The following ZNF470 variants were observed in gnomAD, a reference collection of about 807,000 sequenced individuals.
ZNF470 encodes zinc finger protein 470, also known as chondrogenesis zinc finger protein 1.
In ZNF470, 13 loss-of-function variants were observed where a neutral mutation model predicts 13.9. The observed-to-expected ratio is 0.94, with a 90% confidence interval of 0.61 to 1.49. The LOEUF (loss-of-function observed/expected upper bound fraction) is 1.49. ZNF470 is among the 40% of genes most tolerant of loss of function. The probability of loss-of-function intolerance (pLI) is 0.00; values close to 1 mark genes in which losing one functional copy is unlikely to be tolerated. For synonymous variants in ZNF470, 293 were observed against 282.9 expected, an observed-to-expected ratio of 1.04 and a Z score of -0.36; for missense variants, 929 against 857.3, an observed-to-expected ratio of 1.08 and a Z score of -1.04.
At position 56,579,345 on chromosome 19, in the gene ZNF470, C is replaced by T. The variant is rs2044518147; in HGVS notation, c.*762C>T. 1.3e-6 allele frequency: 1 copy of T among 752,708 alleles called. No individual in the cohort carries two copies. The highest frequency in any genetic ancestry group is 1.6e-6 in the Non-Finnish European group (1 of 617,742). The allele number at this position is 752,708 out of a possible 1,614,324, so 46.6% of individuals were successfully genotyped here. A position where few individuals can be genotyped will look rare whatever the true frequency, so the allele number is the denominator to read the frequency against. ...GCTGAAGCAGGAGGATTGCTTGAGC[C>T]CAGGAGGTAGAGGTTGCAGTGAGTC... On this transcript the variant is annotated 3_prime_UTR_variant, in exon 6 of 6. Coordinates refer to ENST00000330619, the MANE Select transcript of ZNF470 (RefSeq NM_001001668.4).
At chr19:56,574,772 A>G (rs181112021) in intron 5 of ZNF470, 39 bp downstream of exon 5, 28 of 1,562,806 alleles carry the variant, frequency 1.8e-5, no homozygotes, top group Non-Finnish European at 2.1e-5. Context: ...AACTGTTCTC[A>G]ACATGTTCTT....
chr19:56,576,664 T>C, intron 5 of ZNF470, 49 bp from the exon 6 acceptor site: 1 of 1,349,846 alleles, frequency 7.4e-7, no homozygotes, highest in Non-Finnish European at 9.6e-7. Flanking sequence ...AAATTTCCAT[T>C]ATTCTAGCAT....
At chr19:56,568,133 C>T (rs1468069253) in intron 1 of ZNF470, 95 bp downstream of exon 1, 15 of 984,948 alleles carry the variant, frequency 1.5e-5, no homozygotes, top group Non-Finnish European at 1.8e-5. Context: ...AGGATGTCCC[C>T]CGTTTCTAAG....
rs1306730587 is a variant in ZNF470, at chr19:56,576,704, A to G, written c.284-9A>G. Reference sequence around the variant, plus strand: ...TAAAGGAGACATTTACTTTCTTAATATCTTTCAGACTTGGAGTGTGTGTGG... The same window carrying G: ...TAAAGGAGACATTTACTTTCTTAATGTCTTTCAGACTTGGAGTGTGTGTGG... On this transcript the variant is annotated splice_polypyrimidine_tract_variant and intron_variant, in intron 5 of 5. Transcript: ENST00000330619. The G allele has an allele frequency of 7.3e-7, 1 of 1,371,986 alleles. No individual in the cohort carries two copies. Among genetic ancestry groups the G allele is most frequent in the Non-Finnish European group, 9.5e-7 (1 of 1,054,590 alleles). The allele number at this position is 1,371,986 out of a possible 1,614,324, so 85.0% of individuals were successfully genotyped here. A position where few individuals can be genotyped will look rare whatever the true frequency, so the allele number is the denominator to read the frequency against.
In ZNF470 at chr19:56,578,567, A is replaced by G; in HGVS notation, c.2138A>G (p.Tyr713Cys). ...SSVILSSALP[Y>C]HQVL Reference sequence around the variant, plus strand: ...GTTATTCTCTCCTCTGCCCTCCCATACCACCAAGTCCTATAGATTCAATCT... The same window carrying G: ...GTTATTCTCTCCTCTGCCCTCCCATGCCACCAAGTCCTATAGATTCAATCT... The change falls in exon 6 of 6, where the codon TAC (tyrosine) becomes TGC (cysteine). Residue 713 changes from tyrosine (Y) to cysteine (C), a missense_variant. By Grantham distance (194) the Tyr-to-Cys change is radical (BLOSUM62 -2). Transcript: ENST00000330619. The G allele has an allele frequency of 6.5e-7, 1 of 1,546,154 alleles. No individual in the cohort carries two copies. Among genetic ancestry groups the G allele is most frequent in the Non-Finnish European group, 8.7e-7 (1 of 1,147,470 alleles).
chr19:56,579,625 T>C lies in ZNF470; in HGVS notation c.*1042T>C. 2.0e-6 allele frequency: 2 copies of C among 985,382 alleles called. No individual in the cohort carries two copies. Among genetic ancestry groups the C allele is most frequent in the African/African-American group, 1.7e-5 (1 of 57,348 alleles). The allele number at this position is 985,382 out of a possible 1,614,324, so 61.0% of individuals were successfully genotyped here. ...TAAATTGTTCTAGCATAAAATAAAA[T>C]GCAATAAGACCTTCCATCTTGTTCC... On this transcript the variant is annotated 3_prime_UTR_variant, in exon 6 of 6. Coordinates refer to ENST00000330619, the MANE Select transcript of ZNF470 (RefSeq NM_001001668.4).
chr19:56,576,464 G>A (rs979811130), intron 5 of ZNF470, among the ~76,000 whole-genome samples: 23 of 152,114 alleles, frequency 1.5e-4, no homozygotes, highest in Non-Finnish European at 3.1e-4. Context: ...AGAAATTAGA[G>A]ACAAACCTCA....
Position 56,577,502 on chromosome 19 carries a change from A to G in ZNF470, c.1073A>G (p.His358Arg). ...AGTGATTGCTCATCCCTAGCTCATC[A>G]TCGAAGGATTCACACTGGGAAAAGA... ...AFSDCSSLAH[H>R]RRIHTGKRPY... The change falls in exon 6 of 6, where the codon CAT becomes CGT. Residue 358 changes from histidine (H) to arginine (R), a missense_variant. Coordinates refer to ENST00000330619, the MANE Select transcript of ZNF470 (RefSeq NM_001001668.4). The G allele has an allele frequency of 1.4e-5, 23 of 1,613,696 alleles. No homozygotes were observed. Among genetic ancestry groups the G allele is most frequent in the Non-Finnish European group, 1.9e-5 (22 of 1,179,604 alleles).
At position 56,581,435 on chromosome 19, in the gene ZNF470, CAT is replaced by C; in HGVS notation, c.*2856_*2857del. ...TGAATTAATATTCCTTGGAAACCAA[CAT>C]ATACAAAGGTAGATAAATGTATTAG... On this transcript the variant is annotated 3_prime_UTR_variant, in exon 6 of 6. Transcript: ENST00000330619. 1 of 963,014 alleles carries C rather than the reference CAT, an allele frequency of 1.0e-6. No homozygotes were observed. Among genetic ancestry groups the C allele is most frequent in the Non-Finnish European group, 1.2e-6 (1 of 809,642 alleles). The allele number at this position is 963,014 out of a possible 1,614,324, so 59.7% of individuals were successfully genotyped here.
chr19:56,574,431 C>T lies in ZNF470; in HGVS notation c.98C>T (p.Ser33Phe). ...TTCACAGATGTGGCCATAGACTTTT[C>T]CCAAGATGAATGGGAGTGGCTGAAT... ...VTFTDVAIDF[S>F]QDEWEWLNLA... Residue 33 changes from serine to phenylalanine, a missense_variant, in exon 4 of 6, where the codon TCC becomes TTC. By Grantham distance (155) the Ser-to-Phe change is radical. Coordinates refer to ENST00000330619, the MANE Select transcript of ZNF470 (RefSeq NM_001001668.4). 1 of 1,613,822 alleles carries T rather than the reference C, an allele frequency of 6.2e-7. No individual in the cohort carries two copies. The highest frequency in any genetic ancestry group is 1.1e-5 in the South Asian group (1 of 91,076).
In ZNF470 at chr19:56,577,919, C is replaced by A. The variant is rs1273589630; in HGVS notation, c.1490C>A (p.Ala497Asp). Reference protein sequence around the residue: ...GKAFRQSTHLAHHQRIHTGEK... With the variant: ...GKAFRQSTHLDHHQRIHTGEK... ...GCTTTCCGGCAGAGCACGCATCTGGCTCATCATCAGAGAATTCATACTGGA... is the reference window on the plus strand; with the variant it reads ...GCTTTCCGGCAGAGCACGCATCTGGATCATCATCAGAGAATTCATACTGGA... The change falls in exon 6 of 6, where the codon GCT (alanine) becomes GAT (aspartate). Residue 497 changes from alanine (A) to aspartate (D), a missense_variant. Ala to Asp is a moderately radical substitution (Grantham distance 126). Transcript: ENST00000330619. 6.2e-7 allele frequency: 1 copy of A among 1,613,872 alleles called. No homozygotes were observed. Among genetic ancestry groups the A allele is most frequent in the Admixed American group, 1.7e-5 (1 of 59,986 alleles).
chr19:56,574,525 G>T lies in ZNF470; in HGVS notation c.187+5G>T. 1 of 1,613,610 alleles carries T rather than the reference G, an allele frequency of 6.2e-7. No individual in the cohort carries two copies. The highest frequency in any genetic ancestry group is 8.5e-7 in the Non-Finnish European group (1 of 1,179,676). ...ACAGGAACCTAGTTTCAGTGGGTAA[G>T]AGTATCTTCCTCCTGTTGCCTCCCC... On this transcript the variant is annotated splice_donor_5th_base_variant and intron_variant, in intron 4 of 5. Coordinates refer to ENST00000330619, the MANE Select transcript of ZNF470 (RefSeq NM_001001668.4).
At chr19:56,576,647 A>G in intron 5 of ZNF470, 66 bp from the exon 6 acceptor site, 1 of 1,313,096 alleles carries the variant, frequency 7.6e-7, no homozygotes, top group Non-Finnish European at 1.0e-6. Flanking sequence ...TCACATTTTC[A>G]TTTTCGAAAT....
Position 56,573,078 on chromosome 19 carries a change from A to G in ZNF470, c.61-1316A>G, listed in dbSNP as rs1305556627. On this transcript the variant is annotated intron_variant, in intron 3 of 5. Transcript: ENST00000330619. ...AACAGTATTTTAATATAGGTAATCT[A>G]GATTCAGAGACCATGTCTAAACTAT... Among the ~76,000 whole-genome samples the G allele has an allele frequency of 2.0e-5, 3 of 152,262 alleles. No homozygotes were observed. The East Asian group carries it at 5.8e-4, about 29-fold the overall frequency.
chr19:56,582,469 G>C lies in ZNF470; in HGVS notation c.*3886G>C. The C allele has an allele frequency of 1.0e-6, 1 of 985,344 alleles. No homozygotes were observed. Among genetic ancestry groups the C allele is most frequent in the Admixed American group, 6.1e-5 (1 of 16,282 alleles). The allele number at this position is 985,344 out of a possible 1,614,324, so 61.0% of individuals were successfully genotyped here. On this transcript the variant is annotated 3_prime_UTR_variant, in exon 6 of 6. Transcript: ENST00000330619. ...TTTTTATGCATTGTTAAAGTGGAAT[G>C]CTGGTTAAATTTTATACTTTATTCA...
Position 56,579,891 on chromosome 19 carries a change from A to G in ZNF470, c.*1308A>G, listed in dbSNP as rs2147989655. ...GATTCTGATCATCTGTAGAATTTTG[A>G]TTTTAACGAGGAATGTAGTTTACAT... On this transcript the variant is annotated 3_prime_UTR_variant, in exon 6 of 6. Transcript: ENST00000330619. The G allele has an allele frequency of 1.1e-5, 5 of 453,646 alleles. No individual in the cohort carries two copies. The highest frequency in any genetic ancestry group is 1.5e-5 in the Non-Finnish European group (5 of 344,372). The allele number at this position is 453,646 out of a possible 1,614,324, so 28.1% of individuals were successfully genotyped here. A position where few individuals can be genotyped will look rare whatever the true frequency, so the allele number is the denominator to read the frequency against.
At position 56,567,679 on chromosome 19, in the gene ZNF470, G is replaced by C; in HGVS notation, c.-518G>C. On this transcript the variant is annotated 5_prime_UTR_variant, in exon 1 of 6. Coordinates refer to ENST00000330619, the MANE Select transcript of ZNF470 (RefSeq NM_001001668.4). ...TGAGCGTGCGGTGCTGTGCTGAGGA[G>C]GGGCGAGCGCGCGCGGGGATGGCGG... The C allele has an allele frequency of 8.1e-6, 8 of 987,474 alleles. No homozygotes were observed. The highest frequency in any genetic ancestry group is 8.4e-6 in the Non-Finnish European group (7 of 831,480). The allele number at this position is 987,474 out of a possible 1,614,324, so 61.2% of individuals were successfully genotyped here.
chr19:56,571,921 A>AT (rs903127351), intron 3 of ZNF470, among the ~76,000 whole-genome samples: 9 of 149,182 alleles, frequency 6.0e-5, no homozygotes, highest in Non-Finnish European at 7.4e-5. Flanking sequence ...CCTGGCAAAA[A>AT]TTTTTTTTTT....
chr19:56,577,016 A>G lies in ZNF470; in HGVS notation c.587A>G (p.Glu196Gly), dbSNP rs1214397800. ...LSYIKQIFPM[E>G]ERIFNFHTDK... Reference sequence around the variant, plus strand: ...TATATAAAACAGATTTTTCCCATGGAAGAGAGAATATTTAATTTTCATACA... The same window carrying G: ...TATATAAAACAGATTTTTCCCATGGGAGAGAGAATATTTAATTTTCATACA... The change falls in exon 6 of 6, where the codon GAA (glutamate) becomes GGA (glycine). Residue 196 changes from glutamate (E) to glycine (G), a missense_variant. Transcript: ENST00000330619. 2.5e-6 allele frequency: 4 copies of G among 1,582,276 alleles called. No homozygotes were observed. The highest frequency in any genetic ancestry group is 3.4e-6 in the Non-Finnish European group (4 of 1,169,204).
Sources: gnomAD v4.1 joint callset for allele counts (sites outside exome capture counted in the v4.1 genomes callset) on GRCh38, gnomAD v4.1.1 for gene constraint, MANE v1.5 for transcripts, NCBI Gene and HGNC (gene_info 2026-07-23, HGNC 2026-07-21) for gene names.